Variants in BCAS3 observed in about 807,000 individuals in gnomAD.
BCAS3 encodes BCAS3 microtubule associated cell migration factor.
BCAS3 carries 53 observed loss-of-function variants against 116.1 expected under a neutral mutation model. The ratio of observed to expected loss-of-function variants is 0.46; its 90% CI spans 0.37 to 0.57. BCAS3 has a LOEUF of 0.57. Ranked by LOEUF, BCAS3 falls within the 20% of genes least tolerant of loss-of-function variation. BCAS3 has a pLI of 0.00. For synonymous variants in BCAS3, 391 were observed against 408.2 expected (o/e 0.96, Z 0.51); for missense variants, 917 against 1,165.4 (o/e 0.79, Z 3.10).
rs1292571742 is a variant in BCAS3 at position 61,214,582 on chromosome 17, T to A, written c.2425+130018T>A. Among the ~76,000 whole-genome samples, 1 of 150,652 alleles carries A rather than the reference T, an allele frequency of 6.6e-6. No individual in the cohort carries two copies. The highest frequency in any genetic ancestry group is 1.5e-5 in the Non-Finnish European group (1 of 67,800). ...GGCGGGCGCCTGTAGTCCCAGCTAC[T>A]CCGGAGGCTGAGGCAGAAGAACAGC... On this transcript the variant is annotated intron_variant, in intron 22 of 23. Coordinates refer to ENST00000407086, the MANE Select transcript of BCAS3 (RefSeq NM_017679.5). This position sits in a 1 kb window ranked among gnomAD's most constrained non-coding sequence, Gnocchi z 4.4.
chr17:61,042,017 G>A (rs1013445711), intron 19 of BCAS3, among the ~76,000 whole-genome samples: 1 of 152,048 alleles, frequency 6.6e-6, no homozygotes, highest in Non-Finnish European at 1.5e-5. Context: ...GTTATAAATT[G>A]AACTGTGAGA....
intron 22 of BCAS3, among the ~76,000 whole-genome samples, chr17:61,342,168 T>A (rs1460456780): frequency 6.6e-6 from 1 of 152,200 alleles, no homozygotes; most frequent in Admixed American, 6.5e-5. Flanking sequence ...CACACCTGGC[T>A]AATTTTTGTA....
intron 4 of BCAS3, among the ~76,000 whole-genome samples, chr17:60,705,951 TG>T (rs1267409761): frequency 1.3e-5 from 2 of 152,140 alleles, no homozygotes; most frequent in African/African-American, 4.8e-5. Flanking sequence ...CTGCCTCTAT[TG>T]CCCTCCCTTC....
intron 19 of BCAS3, among the ~76,000 whole-genome samples, chr17:61,059,063 C>CT (rs869090870): frequency 0.047 from 1,538 of 32,784 alleles, 608 homozygotes; most frequent in Non-Finnish European, 0.073. Context: ...TTCTCCCCAT[C>CT]TTTTTTTTTT....
intron 5 of BCAS3, among the ~76,000 whole-genome samples, chr17:60,732,477 T>A (rs2040554623): frequency 6.6e-6 from 1 of 152,172 alleles, no homozygotes; most frequent in Non-Finnish European, 1.5e-5. Flanking sequence ...ATAGACAAGA[T>A]GCTGCTTACC....
rs1235627955 is a variant in BCAS3 at position 61,256,493 on chromosome 17, AG to A, written c.2426-111831del. ...TAATTTTTGTATTTTTAGTAGAGAC[AG>A]GGTTTTGCCATGTTTGCCAGGCCGG... On this transcript the variant is annotated intron_variant, in intron 22 of 23. Coordinates refer to ENST00000407086, the MANE Select transcript of BCAS3 (RefSeq NM_017679.5). The surrounding 1 kb of genome is among the most constrained non-coding windows in gnomAD (Gnocchi z 5.6). 6.6e-6 allele frequency among the ~76,000 whole-genome samples: 1 copy of A among 151,794 alleles called. No homozygotes were observed. The highest frequency in any genetic ancestry group is 2.4e-5 in the African/African-American group (1 of 41,304).
rs1161309494 is a variant in BCAS3, at chr17:61,128,433, T to C, written c.2425+43869T>C. 1.0e-6 allele frequency: 1 copy of C among 985,316 alleles called. No homozygotes were observed. Among genetic ancestry groups the C allele is most frequent in the Non-Finnish European group, 1.2e-6 (1 of 829,936 alleles). 61.0% of individuals were successfully genotyped at this position (985,316 alleles called of 1,614,324 possible). ...ATTCAGACAAATCACCCTGCAGTTA[T>C]TGCTCAACAGAGTAATAATAATAGA... On this transcript the variant is annotated intron_variant, in intron 22 of 23. Transcript: ENST00000407086. This position sits in a 1 kb window ranked among gnomAD's most constrained non-coding sequence, Gnocchi z 4.1.
In BCAS3 at chr17:61,327,992, A is replaced by AT. The variant is rs1346749688; in HGVS notation, c.2426-40331dup. 1.3e-5 allele frequency among the ~76,000 whole-genome samples: 2 copies of AT among 152,118 alleles called. No individual in the cohort carries two copies. The highest frequency in any genetic ancestry group is 2.9e-5 in the Non-Finnish European group (2 of 68,024). On this transcript the variant is annotated intron_variant, in intron 22 of 23. Coordinates refer to ENST00000407086, the MANE Select transcript of BCAS3 (RefSeq NM_017679.5). This position sits in a 1 kb window ranked among gnomAD's most constrained non-coding sequence, Gnocchi z 5.9. ...TTTATTCTTTTTCACCCAGCAATTTATTTTCTAGGAATTTATTCCACAAAA... is the reference window on the plus strand; with the variant it reads ...TTTATTCTTTTTCACCCAGCAATTTATTTTTCTAGGAATTTATTCCACAAAA...
At position 60,734,105 on chromosome 17, in the gene BCAS3, T is replaced by C. The variant is rs563132362; in HGVS notation, c.322-13093T>C. Among the ~76,000 whole-genome samples the C allele has an allele frequency of 2.0e-5, 3 of 152,282 alleles. No homozygotes were observed. The South Asian group carries it at 6.2e-4, about 32-fold the overall frequency. On this transcript the variant is annotated intron_variant, in intron 5 of 23. Coordinates refer to ENST00000407086, the MANE Select transcript of BCAS3 (RefSeq NM_017679.5). ...CAGTATCATCTAGGTTTTCTCCTGT[T>C]ATTTATTTAGTTTGAGAGACAAAGT...
At chr17:61,288,332 AC>A (rs938156386) in intron 22 of BCAS3, among the ~76,000 whole-genome samples, 1 of 152,068 alleles carries the variant, frequency 6.6e-6, no homozygotes, top group African/African-American at 2.4e-5. Context: ...TTACTTCTTG[AC>A]CTGGGTGCTT....
intron 14 of BCAS3, among the ~76,000 whole-genome samples, chr17:60,982,265 T>C (rs1004101572): frequency 2.0e-5 from 3 of 152,194 alleles, no homozygotes; most frequent in African/African-American, 7.2e-5. Context: ...CTATTGAATG[T>C]CATTTTTCTT....
At chr17:60,686,530 A>AT (rs573663309) in intron 3 of BCAS3, among the ~76,000 whole-genome samples, 2,917 of 146,860 alleles carry the variant, frequency 0.02, 47 homozygotes, top group Non-Finnish European at 0.034. Flanking sequence ...TATTTATTTA[A>AT]TTTTTTTTTT....
chr17:61,042,573 C>T (rs1483872540), intron 19 of BCAS3, among the ~76,000 whole-genome samples: 4 of 151,962 alleles, frequency 2.6e-5, no homozygotes, highest in East Asian at 3.9e-4. Flanking sequence ...AGGAATGACA[C>T]CATCAAAATT....
chr17:61,079,882 A>ATTTTT lies in BCAS3; in HGVS notation c.2327+1376_2327+1380dup, dbSNP rs745702399. Among the ~76,000 whole-genome samples, 11 of 65,880 alleles carry ATTTTT rather than the reference A, an allele frequency of 1.7e-4. 1 individual carries two copies. The highest frequency in any genetic ancestry group is 2.9e-4 in the African/African-American group (4 of 13,578). The allele number at this position is 65,880 out of a possible 152,430, so 43.2% of individuals were successfully genotyped here. On this transcript the variant is annotated intron_variant, in intron 21 of 23. Coordinates refer to ENST00000407086, the MANE Select transcript of BCAS3 (RefSeq NM_017679.5). ...AAATGCTGGGATTACAGGCATGAGT[A>ATTTTT]TTTTTTTTTTTTTTTTTTTTTTTTT... is the stretch of plus-strand genomic sequence containing the variant.
chr17:60,871,548 A>G (rs1433081485), intron 8 of BCAS3, among the ~76,000 whole-genome samples: 1 of 148,932 alleles, frequency 6.7e-6, no homozygotes, highest in Non-Finnish European at 1.5e-5. Flanking sequence ...GTATGTGTTG[A>G]TTATCAAGTT....
chr17:61,123,004 C>G (rs796379636), intron 22 of BCAS3, among the ~76,000 whole-genome samples: 3 of 147,606 alleles, frequency 2.0e-5, no homozygotes, highest in African/African-American at 7.5e-5. Flanking sequence ...TGCAATGGTG[C>G]GATCTTGGCT....
At chr17:60,959,897 T>C (rs538957131) in intron 14 of BCAS3, among the ~76,000 whole-genome samples, 2 of 152,356 alleles carry the variant, frequency 1.3e-5, no homozygotes, top group South Asian at 4.1e-4. Flanking sequence ...CTTTGAGTTA[T>C]AGCCACATCA....
rs1195832842 is a variant in BCAS3, at chr17:60,961,991, G to A, written c.1221+14639G>A. ...CTTAACATAATGGCCTCCAGTTTCA[G>A]CTATGTTGCTGCAAATGACAGGATT... On this transcript the variant is annotated intron_variant, in intron 14 of 23. Coordinates refer to ENST00000407086, the MANE Select transcript of BCAS3 (RefSeq NM_017679.5). This position sits in a 1 kb window ranked among gnomAD's most constrained non-coding sequence, Gnocchi z 4.8. Among the ~76,000 whole-genome samples the A allele has an allele frequency of 6.6e-6, 1 of 152,076 alleles. No individual in the cohort carries two copies. Among genetic ancestry groups the A allele is most frequent in the Non-Finnish European group, 1.5e-5 (1 of 68,010 alleles).
intron 22 of BCAS3, among the ~76,000 whole-genome samples, chr17:61,252,822 C>T (rs529209289): frequency 2.6e-5 from 4 of 151,958 alleles, no homozygotes; most frequent in Non-Finnish European, 4.4e-5. Context: ...CTGGGCTAAG[C>T]TGCCCTTTCT....
Sources: gnomAD v4.1 joint callset for allele counts (sites outside exome capture counted in the v4.1 genomes callset) on GRCh38, gnomAD v4.1.1 for gene constraint, Gnocchi (gnomAD v3.1) non-coding constraint, MANE v1.5 for transcripts, NCBI Gene and HGNC (gene_info 2026-07-23, HGNC 2026-07-21) for gene names.